Variants in DGCR8 observed in about 807,000 individuals in gnomAD.
DGCR8 encodes the protein DGCR8 microprocessor complex subunit.
In DGCR8, 14 loss-of-function variants were observed where a neutral mutation model predicts 78.5. That is an observed-to-expected ratio of 0.18 (90% CI 0.12 to 0.28). DGCR8 has a LOEUF of 0.28. Among genes scored for constraint, DGCR8 ranks in the 10% least tolerant of loss-of-function variants. DGCR8 has a pLI of 1.00. For missense variants in DGCR8, 702 were observed against 1,022.5 expected (o/e 0.69, Z 4.28); for synonymous variants, 399 against 402.4 (o/e 0.99, Z 0.10).
chr22:20,093,335 G>T (rs1036160857), intron 8 of DGCR8, among the ~76,000 whole-genome samples: 3 of 152,064 alleles, frequency 2.0e-5, no homozygotes, highest in African/African-American at 7.2e-5. Context: ...AACAAGCGAG[G>T]CAGAGCTTGC....
chr22:20,107,542 T>C (rs982963375), intron 12 of DGCR8, 144 bp downstream of exon 12: 2 of 1,020,972 alleles, frequency 2.0e-6, no homozygotes, highest in African/African-American at 3.2e-5. Flanking sequence ...TGTGTGGCTT[T>C]GTGGGCAGGG....
chr22:20,111,606 GTGCACATGTGT>G lies in DGCR8; in HGVS notation c.*1500_*1510del. ...AGATGCGCCTGTGAACCAAAGCTTC[GTGCACATGTGT>G]TCCCCTAAAGGTTGGGGAGCCTCGC... is the stretch of plus-strand genomic sequence containing the variant. On this transcript the variant is annotated 3_prime_UTR_variant, in exon 14 of 14. Coordinates refer to ENST00000351989, the MANE Select transcript of DGCR8 (RefSeq NM_022720.7). 1 of 387,202 alleles carries G rather than the reference GTGCACATGTGT, an allele frequency of 2.6e-6. No individual in the cohort carries two copies. The highest frequency in any genetic ancestry group is 4.5e-5 in the Admixed American group (1 of 22,176). 24.0% of individuals were successfully genotyped at this position (387,202 alleles called of 1,614,324 possible). A position where few individuals can be genotyped will look rare whatever the true frequency, so the allele number is the denominator to read the frequency against.
At chr22:20,100,665 T>C in intron 9 of DGCR8, 1 of 985,342 alleles carries the variant, frequency 1.0e-6, no homozygotes, top group Non-Finnish European at 1.2e-6. Flanking sequence ...GGTTCTTCTG[T>C]GAAGTGGAGA....
At chr22:20,100,609 C>G (rs1487015492) in intron 9 of DGCR8, 7 of 985,246 alleles carry the variant, frequency 7.1e-6, no homozygotes, top group Non-Finnish European at 6.0e-6. Flanking sequence ...TTTCTGGTGC[C>G]AGGAGAGGGC....
At chr22:20,101,301 G>T (rs773520350) in intron 9 of DGCR8, 28 of 985,312 alleles carry the variant, frequency 2.8e-5, no homozygotes, top group Non-Finnish European at 3.3e-5. Context: ...TGTGGGCTGG[G>T]CGCGGTGGCT....
At chr22:20,080,957 C>T (rs1422934662) in intron 1 of DGCR8, among the ~76,000 whole-genome samples, 1 of 152,188 alleles carries the variant, frequency 6.6e-6, no homozygotes, top group South Asian at 2.1e-4. Flanking sequence ...CTTGCATGTA[C>T]CTTGTTCCTG....
rs1432675407 is a variant in DGCR8 at position 20,086,227 on chromosome 22, C to T, written c.264C>T (p.Asp88=). The T allele has an allele frequency of 1.2e-6, 2 of 1,614,162 alleles. No individual in the cohort carries two copies. Among genetic ancestry groups the T allele is most frequent in the South Asian group, 2.2e-5 (2 of 91,078 alleles). Residue 88 remains aspartate, a synonymous_variant, in exon 2 of 14, where the codon GAC becomes GAT. Transcript: ENST00000351989. The surrounding 1 kb of genome is among the most constrained non-coding windows in gnomAD (Gnocchi z 6.4). ...GSFSKGRLLI[D]PNCSGHSPRT... ...TCTCTAAGGGCCGCCTCCTCATAGA[C>T]CCGAACTGTAGTGGCCACAGCCCGC...
rs113951207 is a variant in DGCR8 at position 20,108,961 on chromosome 22, C to T, written c.2196C>T (p.Leu732=). ...AKKNKPNLHI[L]SKLQEEMKRL... ...AGAACAAGCCCAACCTGCACATCCT[C>T]AGCAAGCTCCAAGAGGAGATGAAGA... Residue 732 remains leucine, a synonymous_variant, in exon 13 of 14, where the codon CTC becomes CTT. Coordinates refer to ENST00000351989, the MANE Select transcript of DGCR8 (RefSeq NM_022720.7). 4.7e-5 allele frequency: 75 copies of T among 1,611,020 alleles called. 2 individuals are homozygous for T. In the African/African-American group the frequency reaches 4.7e-4, roughly 10 times the overall value.
At chr22:20,082,925 G>A (rs2049434501) in intron 1 of DGCR8, among the ~76,000 whole-genome samples, 1 of 152,162 alleles carries the variant, frequency 6.6e-6, no homozygotes. Flanking sequence ...CTTCCTATCC[G>A]GTGGCCCATC....
chr22:20,088,333 C>T (rs936586770), intron 3 of DGCR8, among the ~76,000 whole-genome samples: 1 of 152,134 alleles, frequency 6.6e-6, no homozygotes, highest in Non-Finnish European at 1.5e-5. Flanking sequence ...GCTGCATTTT[C>T]AACAGGCTCA....
chr22:20,096,508 A>T, intron 9 of DGCR8: 2 of 982,814 alleles, frequency 2.0e-6, no homozygotes, highest in Middle Eastern at 5.2e-4. Context: ...GTGCATTCTT[A>T]TTTATATAAT....
At chr22:20,090,988 C>T (rs774645561) in intron 5 of DGCR8, among the ~76,000 whole-genome samples, 11 of 152,060 alleles carry the variant, frequency 7.2e-5, no homozygotes, top group African/African-American at 2.7e-4. Context: ...GTGACAAATG[C>T]GAGGCCCTGT....
Position 20,080,997 on chromosome 22 carries a change from G to C in DGCR8, c.-278+614G>C, listed in dbSNP as rs539671352. On this transcript the variant is annotated intron_variant, in intron 1 of 13. Transcript: ENST00000351989. ...GCAGTCCTGTCTTTGGCTGTCGACTGTTCGAGGCCAACCACCAGGCGAGGA... is the reference window on the plus strand; with the variant it reads ...GCAGTCCTGTCTTTGGCTGTCGACTCTTCGAGGCCAACCACCAGGCGAGGA... Among the ~76,000 whole-genome samples, 3 of 152,316 alleles carry C rather than the reference G, an allele frequency of 2.0e-5. No individual in the cohort carries two copies. The East Asian group carries it at 5.8e-4, about 29-fold the overall frequency.
chr22:20,092,709 C>G (rs1016178738), intron 7 of DGCR8, 100 bp from the exon 8 acceptor site: 2 of 1,010,526 alleles, frequency 2.0e-6, no homozygotes, highest in East Asian at 2.5e-5. Context: ...TCTGCAGGGA[C>G]AGCCCCTGAC....
chr22:20,098,017 C>T (rs1411083296), intron 9 of DGCR8, among the ~76,000 whole-genome samples: 2 of 150,764 alleles, frequency 1.3e-5, no homozygotes, highest in Non-Finnish European at 3.0e-5. Flanking sequence ...ATTGCAGCTA[C>T]CCGGGAGGCT....
At chr22:20,100,588 A>G (rs1347217023) in intron 9 of DGCR8, 2 of 985,284 alleles carry the variant, frequency 2.0e-6, no homozygotes, top group Admixed American at 1.2e-4. Flanking sequence ...AATGTCCATG[A>G]ACCACTGTGG....
At chr22:20,108,529 G>A (rs1025555919) in intron 12 of DGCR8, 13 of 247,160 alleles carry the variant, frequency 5.3e-5, no homozygotes, top group African/African-American at 1.8e-4. Context: ...GGGCTGCAGC[G>A]TGCTGTTCTT....
chr22:20,106,304 T>C, intron 10 of DGCR8, 27 bp downstream of exon 10: 1 of 1,540,060 alleles, frequency 6.5e-7, no homozygotes, highest in Non-Finnish European at 9.0e-7. Flanking sequence ...CCTCCCCCCA[T>C]GAGTCAGGTC....
chr22:20,102,367 C>T (rs772065087), intron 9 of DGCR8, among the ~76,000 whole-genome samples: 6 of 152,124 alleles, frequency 3.9e-5, no homozygotes, highest in Non-Finnish European at 8.8e-5. Context: ...TGTGGTGTGA[C>T]GCATCCGTCG....
Sources: allele counts gnomAD v4.1 joint callset (sites outside exome capture counted in the v4.1 genomes callset), GRCh38; gene constraint gnomAD v4.1.1; non-coding constraint Gnocchi (gnomAD v3.1); transcripts MANE v1.5; gene names NCBI Gene and HGNC (gene_info 2026-07-23, HGNC 2026-07-21).